USF3: variants seen among roughly 807,000 people sequenced by gnomAD.
The protein encoded by USF3 is upstream transcription factor family member 3.
USF3 carries 29 observed loss-of-function variants against 157.5 expected under a neutral mutation model. That is an observed-to-expected ratio of 0.18 (90% CI 0.14 to 0.25). The LOEUF (loss-of-function observed/expected upper bound fraction) is 0.25, where lower values mean the gene tolerates loss of function less well. Among genes scored for constraint, USF3 ranks in the 10% least tolerant of loss-of-function variants. The pLI, the probability that USF3 is intolerant of heterozygous loss-of-function variation, is 1.00. For synonymous variants in USF3, 893 were observed against 941.4 expected (o/e 0.95, Z 0.94); for missense variants, 2,381 against 2,667.6 (o/e 0.89, Z 2.37).
Position 113,660,266 on chromosome 3 carries a change from T to C in USF3, c.1416A>G (p.Arg472=). The change falls in exon 7 of 7, where the codon AGA becomes AGG. Residue 472 remains arginine, a synonymous_variant. Coordinates refer to ENST00000316407, the MANE Select transcript of USF3 (RefSeq NM_001009899.4). The stretch of plus-strand genomic sequence containing the variant: ...TCAAGTTGATGTCTGTAGCCACATA[T>C]CTACTGTGGTTGCTTGTGGTGGGGC... ...GTSPTTSNHS[R]YVATDINLNN... The C allele has an allele frequency of 6.2e-7, 1 of 1,613,960 alleles. No homozygotes were observed.
rs773570431 is a variant in USF3, at chr3:113,658,237, C to T, written c.3445G>A (p.Gly1149Arg). ...AIFDQENLEK[G>R]RVGLQADIRE... is the part of the protein sequence containing the mutation. Reference sequence around the variant, plus strand: ...ATATCAGCCTGGAGGCCAACTCTCCCCTTCTCAAGGTTCTCCTGGTCAAAA... The same window carrying T: ...ATATCAGCCTGGAGGCCAACTCTCCTCTTCTCAAGGTTCTCCTGGTCAAAA... The change falls in exon 7 of 7, where the codon GGG becomes AGG. Residue 1149 changes from glycine (G) to arginine (R), a missense_variant. By Grantham distance (125) the Gly-to-Arg change is moderately radical (BLOSUM62 -2). This residue lies in a region of USF3 where 1,435 missense variants were observed against 1,550.9 expected (regional missense o/e 0.93). Transcript: ENST00000316407. The T allele has an allele frequency of 3.7e-6, 6 of 1,614,126 alleles. No individual in the cohort carries two copies. Among genetic ancestry groups the T allele is most frequent in the Non-Finnish European group, 4.2e-6 (5 of 1,179,998 alleles).
At chr3:113,694,038 G>A (rs759195234) in intron 1 of USF3, among the ~76,000 whole-genome samples, 1 of 152,220 alleles carries the variant, frequency 6.6e-6, no homozygotes, top group Non-Finnish European at 1.5e-5. Context: ...TATGCCCATG[G>A]CAGAGCTTTA....
intron 1 of USF3, among the ~76,000 whole-genome samples, chr3:113,684,306 T>G (rs1026667458): frequency 1.3e-5 from 2 of 152,050 alleles, no homozygotes; most frequent in Non-Finnish European, 2.9e-5. Context: ...CCTTTGGGAG[T>G]GTGATTATTA....
At chr3:113,689,915 C>T (rs773627023) in intron 1 of USF3, among the ~76,000 whole-genome samples, 8 of 152,118 alleles carry the variant, frequency 5.3e-5, no homozygotes, top group Non-Finnish European at 1.2e-4. Flanking sequence ...GTTCCAAGGC[C>T]CAACAATCTC....
chr3:113,674,579 G>A lies in USF3; in HGVS notation c.47+253C>T, dbSNP rs138642346. 4.5e-3 allele frequency among the ~76,000 whole-genome samples: 691 copies of A among 152,296 alleles called. 14 individuals carry two copies. Among genetic ancestry groups the A allele is most frequent in the Admixed American group, 0.031 (471 of 15,296 alleles). ...GCTGGTCTTGAACTCCTGACCTCAGGTGATCCACCAGCCTCGGCCTCCCAA... is the reference window on the plus strand; with the variant it reads ...GCTGGTCTTGAACTCCTGACCTCAGATGATCCACCAGCCTCGGCCTCCCAA... On this transcript the variant is annotated intron_variant, in intron 3 of 6. Transcript: ENST00000316407.
chr3:113,675,942 T>C (rs1211707242), intron 2 of USF3, among the ~76,000 whole-genome samples: 1 of 152,216 alleles, frequency 6.6e-6, no homozygotes, highest in Non-Finnish European at 1.5e-5. Context: ...CACTAAAGCA[T>C]AGCAAGAGTC....
At chr3:113,665,368 G>A (rs1302642963) in intron 5 of USF3, among the ~76,000 whole-genome samples, 2 of 152,164 alleles carry the variant, frequency 1.3e-5, no homozygotes, top group African/African-American at 4.8e-5. Context: ...CCACAACTAC[G>A]AATTATTCTA....
chr3:113,691,598 T>C (rs960521992), intron 1 of USF3, among the ~76,000 whole-genome samples: 1 of 152,172 alleles, frequency 6.6e-6, no homozygotes, highest in African/African-American at 2.4e-5. Flanking sequence ...TAAGACTCCC[T>C]GCACAAGGAG....
rs1947394750 is a variant in USF3 at position 113,657,784 on chromosome 3, G to C, written c.3898C>G (p.Leu1300Val). The C allele has an allele frequency of 3.1e-6, 5 of 1,614,104 alleles. No homozygotes were observed. Among genetic ancestry groups the C allele is most frequent in the Non-Finnish European group, 4.2e-6 (5 of 1,179,998 alleles). ...GGTATGGTACTAGTCATAGTATTTA[G>C]CTGTTCTTGGGAATATTCAGTCATC... Reference protein sequence around the residue: ...SLMTEYSQEQLNTMTSTIPNS... With the variant: ...SLMTEYSQEQVNTMTSTIPNS... The change falls in exon 7 of 7, where the codon CTA becomes GTA. Residue 1300 changes from leucine to valine, a missense_variant. Physicochemically the swap from Leu to Val is conservative, Grantham distance 32 (BLOSUM62 1). This residue lies in a region of USF3 where 1,435 missense variants were observed against 1,550.9 expected (regional missense o/e 0.93). Transcript: ENST00000316407.
chr3:113,688,001 A>T (rs191107370), intron 1 of USF3, among the ~76,000 whole-genome samples: 1 of 152,368 alleles, frequency 6.6e-6, no homozygotes, highest in East Asian at 1.9e-4. Flanking sequence ...GGGTCAGCTA[A>T]TTCAAAGTTT....
intron 1 of USF3, among the ~76,000 whole-genome samples, chr3:113,687,005 T>C (rs1457852358): frequency 2.0e-5 from 3 of 152,172 alleles, no homozygotes; most frequent in African/African-American, 4.8e-5. Context: ...TCTCTACCTC[T>C]TGGAAAAAGG....
intron 1 of USF3, among the ~76,000 whole-genome samples, chr3:113,695,325 G>T (rs535259294): frequency 6.6e-6 from 1 of 152,154 alleles, no homozygotes; most frequent in East Asian, 1.9e-4. Context: ...GAGTTCTATG[G>T]GAGAGAAAAA....
chr3:113,687,262 CA>C (rs1175623342), intron 1 of USF3, among the ~76,000 whole-genome samples: 10 of 150,730 alleles, frequency 6.6e-5, no homozygotes, highest in African/African-American at 2.0e-4. Flanking sequence ...CACACACACA[CA>C]CACCCCCTTT....
At chr3:113,665,281 GAGT>G (rs1454202511) in intron 5 of USF3, among the ~76,000 whole-genome samples, 1 of 152,222 alleles carries the variant, frequency 6.6e-6, no homozygotes, top group Non-Finnish European at 1.5e-5. Flanking sequence ...CATGTGGGAA[GAGT>G]AGTAGAAGGC....
intron 1 of USF3, among the ~76,000 whole-genome samples, chr3:113,694,174 A>G (rs1261732618): frequency 1.3e-5 from 2 of 152,250 alleles, no homozygotes; most frequent in Non-Finnish European, 1.5e-5. Context: ...AGAGAGGTAA[A>G]GCATGACAGA....
At chr3:113,666,245 TTTC>T (rs1947564081) in intron 5 of USF3, among the ~76,000 whole-genome samples, 1 of 135,752 alleles carries the variant, frequency 7.4e-6, no homozygotes, top group African/African-American at 2.8e-5. Context: ...TCTAGACATC[TTTC>T]TTTTTTTTTT....
intron 1 of USF3, among the ~76,000 whole-genome samples, chr3:113,694,345 G>A (rs1252008600): frequency 6.6e-6 from 1 of 152,180 alleles, no homozygotes; most frequent in Admixed American, 6.5e-5. Context: ...AATAGGAAAA[G>A]TACCCATCAA....
intron 1 of USF3, among the ~76,000 whole-genome samples, chr3:113,681,779 G>A (rs1707436091): frequency 6.6e-6 from 1 of 151,566 alleles, no homozygotes; most frequent in Middle Eastern, 3.4e-3. Context: ...GAGTGCAGTG[G>A]TGTGATCTTG....
chr3:113,660,495 T>C lies in USF3; in HGVS notation c.1187A>G (p.Asn396Ser), dbSNP rs779936572. 73 of 1,614,000 alleles carry C rather than the reference T, an allele frequency of 4.5e-5. No individual in the cohort carries two copies. In the African/African-American group the frequency reaches 5.7e-4, roughly 13 times the overall value. The change falls in exon 7 of 7, where the codon AAT becomes AGT. Residue 396 changes from asparagine (N) to serine (S), a missense_variant. This residue lies in a region of USF3 where 1,435 missense variants were observed against 1,550.9 expected (regional missense o/e 0.93). Transcript: ENST00000316407. ...CAAAGAACAAGAAAGAGTCCAACCA[T>C]TGTCCAAAGGGTTTCCCGAAAGAGT... Reference protein sequence around the residue: ...ISTLSGNPLDNGWTLSCSLPS... With the variant: ...ISTLSGNPLDSGWTLSCSLPS...
Sources: allele counts gnomAD v4.1 joint callset (sites outside exome capture counted in the v4.1 genomes callset), GRCh38; gene constraint gnomAD v4.1.1; regional missense constraint gnomAD v4.1.1; transcripts MANE v1.5; gene names NCBI Gene and HGNC (gene_info 2026-07-23, HGNC 2026-07-21).